Variants in CNTN4 observed in about 807,000 individuals in gnomAD.
CNTN4 encodes the protein contactin 4.
In CNTN4, 77 loss-of-function variants were observed where a neutral mutation model predicts 122.5. The observed-to-expected ratio is 0.63, with a 90% confidence interval of 0.52 to 0.76. CNTN4 has a LOEUF of 0.76. CNTN4 is among the 30% of genes least tolerant of loss of function. The probability of loss-of-function intolerance (pLI) is 0.00; values close to 1 mark genes in which losing one functional copy is unlikely to be tolerated. For synonymous variants in CNTN4, 512 were observed against 447.0 expected, an observed-to-expected ratio of 1.15 and a Z score of -1.83; for missense variants, 1,256 against 1,259.1, an observed-to-expected ratio of 1.00 and a Z score of 0.04.
At chr3:2,900,883 GC>G in intron 11 of CNTN4, 62 bp downstream of exon 11, 1 of 1,588,152 alleles carries the variant, frequency 6.3e-7, no homozygotes. Context: ...TAGCCTCATT[GC>G]CGTGGAAACG....
intron 3 of CNTN4, among the ~76,000 whole-genome samples, chr3:2,490,717 A>C (rs911801364): frequency 3.3e-5 from 5 of 152,162 alleles, no homozygotes; most frequent in Non-Finnish European, 5.9e-5. Flanking sequence ...AATTTATCTT[A>C]TAGGAAAAAT....
At chr3:2,694,787 A>G (rs1402645532) in intron 4 of CNTN4, among the ~76,000 whole-genome samples, 1 of 152,194 alleles carries the variant, frequency 6.6e-6, no homozygotes, top group Non-Finnish European at 1.5e-5. Flanking sequence ...ATGCTATTCT[A>G]ATATCTGAGC....
At chr3:2,569,390 T>A (rs2079321314) in intron 3 of CNTN4, among the ~76,000 whole-genome samples, 1 of 152,166 alleles carries the variant, frequency 6.6e-6, no homozygotes, top group South Asian at 2.1e-4. Context: ...GTTTTTCTTA[T>A]AAGTGGGAGT....
intron 3 of CNTN4, among the ~76,000 whole-genome samples, chr3:2,409,761 T>C (rs910837352): frequency 4.6e-5 from 7 of 152,198 alleles, no homozygotes; most frequent in African/African-American, 1.7e-4. Flanking sequence ...ATGTTATCTT[T>C]ATTTAAAAGA....
At chr3:2,216,171 G>A (rs911808972) in intron 2 of CNTN4, among the ~76,000 whole-genome samples, 4 of 152,144 alleles carry the variant, frequency 2.6e-5, no homozygotes, top group South Asian at 2.1e-4. Context: ...TAAAGAAAAT[G>A]TGGAACATAT....
At chr3:2,310,655 G>A (rs988580809) in intron 2 of CNTN4, among the ~76,000 whole-genome samples, 2 of 151,984 alleles carry the variant, frequency 1.3e-5, no homozygotes, top group South Asian at 2.1e-4. Context: ...GGCTTCACTT[G>A]TACCCCAATG....
intron 3 of CNTN4, among the ~76,000 whole-genome samples, chr3:2,455,475 T>C (rs746472549): frequency 6.6e-6 from 1 of 151,944 alleles, no homozygotes; most frequent in Non-Finnish European, 1.5e-5. Context: ...CCCTAGTCTT[T>C]TTTCTTTTTT....
chr3:2,672,318 C>T lies in CNTN4; in HGVS notation c.56-63897C>T, dbSNP rs144135848. Reference sequence around the variant, plus strand: ...CTACTCAAGCCTCAGCAATGGTGGGCGCCCCTCCCCCAGCCTCGCTGCTGC... The same window carrying T: ...CTACTCAAGCCTCAGCAATGGTGGGTGCCCCTCCCCCAGCCTCGCTGCTGC... On this transcript the variant is annotated intron_variant, in intron 4 of 24. Transcript: ENST00000418658. 1.5e-3 allele frequency among the ~76,000 whole-genome samples: 226 copies of T among 152,304 alleles called. 1 individual carries two copies. Among genetic ancestry groups the T allele is most frequent in the African/African-American group, 5.2e-3 (216 of 41,574 alleles).
chr3:3,046,285 A>G (rs1262459894), intron 23 of CNTN4, among the ~76,000 whole-genome samples: 8 of 152,326 alleles, frequency 5.3e-5, no homozygotes, highest in East Asian at 3.9e-4. Context: ...GAATGCCACA[A>G]AGATAGTCCT....
intron 4 of CNTN4, among the ~76,000 whole-genome samples, chr3:2,587,430 C>A (rs970372438): frequency 1.3e-5 from 2 of 152,150 alleles, no homozygotes; most frequent in Non-Finnish European, 2.9e-5. Context: ...ACAAATGATC[C>A]TTGCAAAATA....
At chr3:2,423,239 GACAA>G (rs761048676) in intron 3 of CNTN4, among the ~76,000 whole-genome samples, 41 of 152,232 alleles carry the variant, frequency 2.7e-4, no homozygotes, top group Non-Finnish European at 4.4e-4. Context: ...GACAATTTTT[GACAA>G]ACAAACTTCT....
At chr3:2,542,701 T>G (rs999228869) in intron 3 of CNTN4, among the ~76,000 whole-genome samples, 1 of 152,122 alleles carries the variant, frequency 6.6e-6, no homozygotes, top group East Asian at 1.9e-4. Context: ...AGATGCTTTG[T>G]GGTACTTTCT....
chr3:3,048,364 A>T (rs762041131), intron 23 of CNTN4, among the ~76,000 whole-genome samples: 5 of 152,204 alleles, frequency 3.3e-5, no homozygotes, highest in Non-Finnish European at 7.3e-5. Flanking sequence ...AAGTATACGG[A>T]AAGATATGCT....
chr3:2,119,843 C>T (rs2033603989), intron 2 of CNTN4, among the ~76,000 whole-genome samples: 1 of 151,854 alleles, frequency 6.6e-6, no homozygotes, highest in Non-Finnish European at 1.5e-5. Flanking sequence ...TAGGGGTTAC[C>T]CAAAAAGAGT....
chr3:2,351,542 G>A (rs1241448608), intron 3 of CNTN4, among the ~76,000 whole-genome samples: 1 of 152,158 alleles, frequency 6.6e-6, no homozygotes, highest in Non-Finnish European at 1.5e-5. Flanking sequence ...AAGTAAATAT[G>A]TATGATCTCA....
chr3:2,712,017 T>G (rs2087181313), intron 4 of CNTN4, among the ~76,000 whole-genome samples: 2 of 152,228 alleles, frequency 1.3e-5, no homozygotes, highest in African/African-American at 4.8e-5. Flanking sequence ...AGAGGGCTGC[T>G]GGGTTCATCT....
At position 2,194,535 on chromosome 3, in the gene CNTN4, G is replaced by A. The variant is rs564400619; in HGVS notation, c.-145+93896G>A. Among the ~76,000 whole-genome samples the A allele has an allele frequency of 4.6e-5, 7 of 152,236 alleles. No homozygotes were observed. The East Asian group carries it at 1.2e-3, about 25-fold the overall frequency. ...AATAAATTGTTATTGGTTGAATTGT[G>A]TCCTTCCAAAAAAGATATTTTGAAA... On this transcript the variant is annotated intron_variant, in intron 2 of 24. Transcript: ENST00000418658.
intron 4 of CNTN4, among the ~76,000 whole-genome samples, chr3:2,630,115 G>A (rs891083678): frequency 3.9e-5 from 6 of 152,172 alleles, no homozygotes; most frequent in Admixed American, 3.9e-4. Context: ...GCATTGAGAA[G>A]TTGTAAAGGA....
intron 3 of CNTN4, among the ~76,000 whole-genome samples, chr3:2,399,348 C>T (rs972014007): frequency 6.6e-6 from 1 of 152,004 alleles, no homozygotes; most frequent in African/African-American, 2.4e-5. Flanking sequence ...ATTGTAACTT[C>T]TGTGGCCATA....
Sources: allele counts gnomAD v4.1 joint callset (sites outside exome capture counted in the v4.1 genomes callset), GRCh38; gene constraint gnomAD v4.1.1; transcripts MANE v1.5; gene names NCBI Gene and HGNC (gene_info 2026-07-23, HGNC 2026-07-21).